Variants in EEF1AKMT1 observed in about 807,000 individuals in gnomAD.
EEF1AKMT1 encodes EEF1A lysine methyltransferase 1.
Under a neutral mutation model 21.0 loss-of-function variants are expected in EEF1AKMT1, and 18 were observed. The observed-to-expected ratio is 0.86, with a 90% CI of 0.59 to 1.27. The LOEUF is 1.27. Ranked by LOEUF, EEF1AKMT1 falls within the 50% of genes most tolerant of loss-of-function variation. The probability of loss-of-function intolerance (pLI) is 0.00; values close to 1 mark genes in which losing one functional copy is unlikely to be tolerated. For synonymous variants in EEF1AKMT1, 109 were observed against 94.8 expected (o/e 1.15, Z -0.87); for missense variants, 246 against 258.6 (o/e 0.95, Z 0.33).
At chr13:20,750,477 C>T (rs1037150930) in intron 2 of EEF1AKMT1, among the ~76,000 whole-genome samples, 1 of 152,142 alleles carries the variant, frequency 6.6e-6, no homozygotes, top group Admixed American at 6.6e-5. Context: ...TTTCACTTAA[C>T]ATAATGACCT....
intron 1 of EEF1AKMT1, among the ~76,000 whole-genome samples, chr13:20,767,204 G>A (rs867769026): frequency 1.2e-3 from 180 of 150,414 alleles, no homozygotes; most frequent in African/African-American, 3.6e-3. Flanking sequence ...TACTCGGGAG[G>A]CTGAGGCAGG....
At chr13:20,748,136 G>A in intron 2 of EEF1AKMT1, 1 of 154,064 alleles carries the variant, frequency 6.5e-6, no homozygotes, top group Non-Finnish European at 1.5e-5. Flanking sequence ...CATGAACATG[G>A]CTTTAAAAGT....
rs2058833722 is a variant in EEF1AKMT1 at position 20,737,619 on chromosome 13, A to G, written c.227+104T>C. On this transcript the variant is annotated intron_variant, in intron 3 of 4. Transcript: ENST00000382758. ...CATATGCTGCAAACCATGATCTACA[A>G]TATTTACAGATTATAGTTCAGACTT... The G allele has an allele frequency of 4.0e-5, 39 of 966,226 alleles. No individual in the cohort carries two copies. The South Asian group carries it at 5.8e-4, about 14-fold the overall frequency. 59.9% of individuals were successfully genotyped at this position (966,226 alleles called of 1,614,324 possible).
chr13:20,733,295 C>T (rs2058808913), intron 3 of EEF1AKMT1, among the ~76,000 whole-genome samples: 1 of 152,126 alleles, frequency 6.6e-6, no homozygotes, highest in Admixed American at 6.5e-5. Context: ...GGGGTTTCAC[C>T]ATCTTGGCCA....
At chr13:20,761,018 A>C (rs7999267) in intron 1 of EEF1AKMT1, among the ~76,000 whole-genome samples, 4,921 of 152,358 alleles carry the variant, frequency 0.032, 269 homozygotes, top group African/African-American at 0.11. Flanking sequence ...AGTAACTTAT[A>C]TAACTACAGT....
At chr13:20,758,201 G>A (rs1014031589) in intron 1 of EEF1AKMT1, among the ~76,000 whole-genome samples, 1 of 151,662 alleles carries the variant, frequency 6.6e-6, no homozygotes, top group Non-Finnish European at 1.5e-5. Flanking sequence ...TCTCTCTGAA[G>A]CCTGCTGCCT....
At chr13:20,735,602 A>G (rs894674957) in intron 3 of EEF1AKMT1, among the ~76,000 whole-genome samples, 4 of 152,196 alleles carry the variant, frequency 2.6e-5, no homozygotes, top group African/African-American at 4.8e-5. Context: ...GGGGTTCCCT[A>G]GGAGAACGGC....
At chr13:20,757,149 C>T (rs979925193) in intron 2 of EEF1AKMT1, 4 of 206,822 alleles carry the variant, frequency 1.9e-5, no homozygotes, top group Non-Finnish European at 3.9e-5. Flanking sequence ...GCTGAGGGTC[C>T]CCGGCTTGCA....
chr13:20,737,594 CA>C, intron 3 of EEF1AKMT1, 128 bp downstream of exon 3: 4 of 755,382 alleles, frequency 5.3e-6, no homozygotes, highest in Non-Finnish European at 8.7e-6. Flanking sequence ...CTTAATCTGT[CA>C]TATGCTGCAA....
intron 2 of EEF1AKMT1, among the ~76,000 whole-genome samples, chr13:20,738,926 G>A (rs1442362717): frequency 6.6e-6 from 1 of 152,206 alleles, no homozygotes; most frequent in East Asian, 1.9e-4. Flanking sequence ...GTCCGGAATT[G>A]GTGGGTTCTT....
Position 20,737,827 on chromosome 13 carries a change from AT to A in EEF1AKMT1, c.145-23del, listed in dbSNP as rs766622716. 5.7e-5 allele frequency: 90 copies of A among 1,576,724 alleles called. No individual in the cohort carries two copies. In the African/African-American group the frequency reaches 1.1e-3, roughly 20 times the overall value. On this transcript the variant is annotated intron_variant, in intron 2 of 4. Transcript: ENST00000382758. Reference sequence around the variant, plus strand: ...GTTGCTGTAACCGAGAAATAGGTTGATAGCATTTTAGAACTGGCATAAGCTT... The same window carrying A: ...GTTGCTGTAACCGAGAAATAGGTTGAAGCATTTTAGAACTGGCATAAGCTT...
chr13:20,754,668 G>A (rs951023943), intron 2 of EEF1AKMT1, among the ~76,000 whole-genome samples: 1 of 151,138 alleles, frequency 6.6e-6, no homozygotes, highest in East Asian at 2.0e-4. Context: ...CAGTACTTTG[G>A]GAGGCCAAGG....
intron 1 of EEF1AKMT1, among the ~76,000 whole-genome samples, chr13:20,770,509 A>G (rs1265892258): frequency 6.6e-6 from 1 of 152,258 alleles, no homozygotes; most frequent in African/African-American, 2.4e-5. Context: ...GCACAAAAAC[A>G]CATTTTCAGG....
chr13:20,747,459 A>ATTTTTTTTTTTTTTTTTTT (rs1164591974), intron 2 of EEF1AKMT1: 3 of 66,146 alleles, frequency 4.5e-5, no homozygotes, highest in African/African-American at 2.2e-4. Flanking sequence ...AGTTAGGCAC[A>ATTTTTTTTTTTTTTTTTTT]TTCTTTTTTT....
chr13:20,742,715 A>C (rs975673046), intron 2 of EEF1AKMT1, among the ~76,000 whole-genome samples: 2 of 152,166 alleles, frequency 1.3e-5, no homozygotes, highest in Non-Finnish European at 2.9e-5. Flanking sequence ...AAACTCACAG[A>C]ATAATCTCCT....
At position 20,729,021 on chromosome 13, in the gene EEF1AKMT1, GA is replaced by G; in HGVS notation, c.*58del. The stretch of plus-strand genomic sequence containing the variant: ...AGATTATAACTTTTAAATCTACTAC[GA>G]AAATACAAAAAGAGGAATGTGACAG... On this transcript the variant is annotated 3_prime_UTR_variant, in exon 5 of 5. Transcript: ENST00000382758. 1 of 1,603,696 alleles carries G rather than the reference GA, an allele frequency of 6.2e-7. No homozygotes were observed. Among genetic ancestry groups the G allele is most frequent in the Non-Finnish European group, 8.5e-7 (1 of 1,171,540 alleles).
In EEF1AKMT1 at chr13:20,737,705, AG is replaced by A. The variant is rs2058834144; in HGVS notation, c.227+17del. The A allele has an allele frequency of 6.2e-7, 1 of 1,604,642 alleles. No homozygotes were observed. The highest frequency in any genetic ancestry group is 8.5e-7 in the Non-Finnish European group (1 of 1,173,998). On this transcript the variant is annotated intron_variant, in intron 3 of 4. Coordinates refer to ENST00000382758, the MANE Select transcript of EEF1AKMT1 (RefSeq NM_001318939.2). ...AAATATTACATTAGATGCCAAAAAGAGAAAATTTGAATCTCACCTGCCACCT... is the reference window on the plus strand; with the variant it reads ...AAATATTACATTAGATGCCAAAAAGAAAAATTTGAATCTCACCTGCCACCT...
At chr13:20,757,333 C>A in intron 2 of EEF1AKMT1, 122 bp downstream of exon 2, 1 of 1,177,022 alleles carries the variant, frequency 8.5e-7, no homozygotes, top group Non-Finnish European at 1.2e-6. Flanking sequence ...TAGAGAAGTT[C>A]AGATCCCAAA....
intron 2 of EEF1AKMT1, among the ~76,000 whole-genome samples, chr13:20,739,462 A>T (rs1157264630): frequency 1.3e-5 from 2 of 152,164 alleles, no homozygotes; most frequent in Non-Finnish European, 2.9e-5. Flanking sequence ...CAGAGAGCTG[A>T]TTGGCCCATT....
Sources: gnomAD v4.1 joint callset for allele counts (sites outside exome capture counted in the v4.1 genomes callset) on GRCh38, gnomAD v4.1.1 for gene constraint, MANE v1.5 for transcripts, NCBI Gene and HGNC (gene_info 2026-07-23, HGNC 2026-07-21) for gene names.